Variants in EYS observed in about 807,000 individuals in gnomAD.
EYS encodes protein eyes shut homolog.
EYS carries 250 observed loss-of-function variants against 282.1 expected under a neutral mutation model. The observed-to-expected ratio is 0.89, with a 90% CI of 0.80 to 0.98. The LOEUF (loss-of-function observed/expected upper bound fraction) is 0.98. Ranked by LOEUF, EYS falls within the 50% of genes least tolerant of loss-of-function variation. EYS has a pLI of 0.00. For synonymous variants in EYS, 1,355 were observed against 1,282.9 expected, an observed-to-expected ratio of 1.06 and a Z score of -1.20; for missense variants, 4,016 against 3,709.0, an observed-to-expected ratio of 1.08 and a Z score of -2.15.
At chr6:65,380,138 C>CA (rs879720270) in intron 8 of EYS, among the ~76,000 whole-genome samples, 16 of 151,194 alleles carry the variant, frequency 1.1e-4, no homozygotes, top group East Asian at 1.9e-4. Context: ...TCATATGCAA[C>CA]AAAAAAAAGG....
chr6:64,032,551 C>A (rs1170158167), intron 33 of EYS, among the ~76,000 whole-genome samples: 1 of 152,184 alleles, frequency 6.6e-6, no homozygotes, highest in Non-Finnish European at 1.5e-5. Flanking sequence ...ACAGACCCTA[C>A]GGGTTAAGGG....
chr6:65,143,777 G>A (rs976972038), intron 12 of EYS, among the ~76,000 whole-genome samples: 6 of 151,958 alleles, frequency 3.9e-5, no homozygotes, highest in African/African-American at 1.4e-4. Flanking sequence ...ATATGTCTCT[G>A]TTACTCCTCT....
At chr6:65,662,448 G>C (rs906248087) in intron 1 of EYS, among the ~76,000 whole-genome samples, 1 of 152,074 alleles carries the variant, frequency 6.6e-6, no homozygotes, top group Non-Finnish European at 1.5e-5. Flanking sequence ...TCAAAGGCAA[G>C]GGAGACATCG....
chr6:63,909,195 C>G (rs1773856361), intron 35 of EYS, among the ~76,000 whole-genome samples: 1 of 152,062 alleles, frequency 6.6e-6, no homozygotes, highest in Non-Finnish European at 1.5e-5. Flanking sequence ...TATGGAAATC[C>G]TTAATATATC....
intron 13 of EYS, among the ~76,000 whole-genome samples, chr6:65,024,227 G>A (rs912481779): frequency 6.6e-6 from 1 of 152,204 alleles, no homozygotes; most frequent in East Asian, 1.9e-4. Flanking sequence ...TATTCACGAA[G>A]GAGGCCCACA....
chr6:63,788,057 C>A, intron 39 of EYS, 48 bp downstream of exon 39: 1 of 1,387,478 alleles, frequency 7.2e-7, no homozygotes, highest in Non-Finnish European at 9.7e-7. Flanking sequence ...TTTTTTCCCT[C>A]AACATTTGAA....
At position 63,864,307 on chromosome 6, in the gene EYS, C is replaced by T. The variant is rs187604073; in HGVS notation, c.7107G>A (p.Leu2369=). Residue 2369 remains leucine (L), a synonymous_variant, in exon 36 of 43, where the codon CTG becomes CTA. Transcript: ENST00000503581. ...CECPRLYSGK[L]CQFASCENNP... ...TGTTTTCACAACTTGCAAACTGGCA[C>T]AGCTTGCCTGAATACAGCCTTGGAC... is the stretch of plus-strand genomic sequence containing the variant. The T allele has an allele frequency of 6.9e-4, 1,069 of 1,551,656 alleles. 4 individuals carry two copies. Among genetic ancestry groups the T allele is most frequent in the Non-Finnish European group, 1.4e-4 (161 of 1,146,928 alleles).
At chr6:64,740,861 C>T (rs1461820219) in intron 22 of EYS, among the ~76,000 whole-genome samples, 2 of 151,970 alleles carry the variant, frequency 1.3e-5, no homozygotes, top group Admixed American at 1.3e-4. Context: ...CTACAGGCGC[C>T]AGCCACCACG....
chr6:64,721,860 G>T (rs756564653), intron 22 of EYS, among the ~76,000 whole-genome samples: 1 of 152,142 alleles, frequency 6.6e-6, no homozygotes, highest in Non-Finnish European at 1.5e-5. Context: ...CCTTACATTT[G>T]TAGGGCTTCA....
At chr6:64,098,149 A>G (rs1012257260) in intron 31 of EYS, among the ~76,000 whole-genome samples, 1 of 152,200 alleles carries the variant, frequency 6.6e-6, no homozygotes, top group African/African-American at 2.4e-5. Flanking sequence ...ATGTAACACT[A>G]TCAATCGTTT....
At chr6:64,050,011 G>A (rs924512002) in intron 33 of EYS, among the ~76,000 whole-genome samples, 2 of 152,114 alleles carry the variant, frequency 1.3e-5, no homozygotes, top group African/African-American at 4.8e-5. Flanking sequence ...TCCTGAACCT[G>A]TGTAGGCAGT....
chr6:64,936,000 T>C (rs1409384990), intron 15 of EYS, among the ~76,000 whole-genome samples: 1 of 151,320 alleles, frequency 6.6e-6, no homozygotes, highest in Non-Finnish European at 1.5e-5. Flanking sequence ...AAAAGAAAAA[T>C]ACAGATCAAT....
chr6:65,632,835 G>A (rs916430648), intron 2 of EYS, among the ~76,000 whole-genome samples: 1 of 152,106 alleles, frequency 6.6e-6, no homozygotes, highest in African/African-American at 2.4e-5. Context: ...TGTTCCATAG[G>A]TGAAGAAATT....
intron 35 of EYS, among the ~76,000 whole-genome samples, chr6:63,923,435 A>G (rs1485025326): frequency 6.6e-6 from 1 of 152,208 alleles, no homozygotes; most frequent in Non-Finnish European, 1.5e-5. Context: ...CATTAAAATT[A>G]TAGGTTATAT....
intron 14 of EYS, among the ~76,000 whole-genome samples, chr6:64,988,734 AAG>A (rs1443512899): frequency 6.6e-6 from 1 of 151,670 alleles, no homozygotes. Context: ...AAATATTGTT[AAG>A]AGTTAGCAGT....
At chr6:65,278,057 C>CTTTTCTTTTCTTTTCT (rs1562067588) in intron 12 of EYS, among the ~76,000 whole-genome samples, 1 of 145,024 alleles carries the variant, frequency 6.9e-6, no homozygotes, top group African/African-American at 2.6e-5. Flanking sequence ...CTTTTCTTTT[C>CTTTTCTTTTCTTTTCT]TTTTTTTCTG....
chr6:65,410,135 G>A (rs1766923933), intron 5 of EYS, among the ~76,000 whole-genome samples: 1 of 152,030 alleles, frequency 6.6e-6, no homozygotes, highest in Non-Finnish European at 1.5e-5. Flanking sequence ...AACATTGTTT[G>A]AATGATACTA....
At position 65,415,021 on chromosome 6, in the gene EYS, T is replaced by C. The variant is rs533651262; in HGVS notation, c.863-9654A>G. Among the ~76,000 whole-genome samples, 5 of 152,178 alleles carry C rather than the reference T, an allele frequency of 3.3e-5. No homozygotes were observed. In the South Asian group the frequency reaches 8.3e-4, roughly 25 times the overall value. On this transcript the variant is annotated intron_variant, in intron 5 of 42. Coordinates refer to ENST00000503581, the MANE Select transcript of EYS (RefSeq NM_001142800.2). Reference sequence around the variant, plus strand: ...GGGGAATGTAGGAGAAACAAGAGTGTGATGTTTTAAAAATACAAAATTTGT... The same window carrying C: ...GGGGAATGTAGGAGAAACAAGAGTGCGATGTTTTAAAAATACAAAATTTGT...
At chr6:65,536,649 G>C (rs1297533778) in intron 2 of EYS, among the ~76,000 whole-genome samples, 1 of 152,070 alleles carries the variant, frequency 6.6e-6, no homozygotes, top group African/African-American at 2.4e-5. Flanking sequence ...TTACATGCTT[G>C]TCTGAGATGG....
Sources: allele counts gnomAD v4.1 joint callset (sites outside exome capture counted in the v4.1 genomes callset), GRCh38; gene constraint gnomAD v4.1.1; transcripts MANE v1.5; gene names NCBI Gene and HGNC (gene_info 2026-07-23, HGNC 2026-07-21).